Variants in MTOR observed in about 807,000 individuals in gnomAD.
The protein encoded by MTOR is serine/threonine-protein kinase mTOR.
Under a neutral mutation model 319.8 loss-of-function variants are expected in MTOR, and 70 were observed. The ratio of observed to expected loss-of-function variants is 0.22; its 90% CI spans 0.18 to 0.27. MTOR has a LOEUF of 0.27. MTOR is among the 10% of genes least tolerant of loss of function. The probability of loss-of-function intolerance (pLI) is 1.00; values close to 1 mark genes in which losing one functional copy is unlikely to be tolerated. For synonymous variants in MTOR, 1,183 were observed against 1,211.4 expected (o/e 0.98, Z 0.49); for missense variants, 1,890 against 3,274.4 (o/e 0.58, Z 10.32).
chr1:11,151,062 G>A (rs1644123859), intron 30 of MTOR, among the ~76,000 whole-genome samples: 1 of 152,148 alleles, frequency 6.6e-6, no homozygotes, highest in Admixed American at 6.6e-5. Flanking sequence ...TCATGAGGAA[G>A]GGCACAAGTT....
intron 51 of MTOR, 55 bp from the exon 52 acceptor site, chr1:11,114,942 G>T: frequency 6.7e-7 from 1 of 1,503,190 alleles, no homozygotes; most frequent in Non-Finnish European, 9.3e-7. Context: ...TTTACCTGGA[G>T]CCAGGTGGAG....
chr1:11,199,428 C>A lies in MTOR; in HGVS notation c.4108-25G>T, dbSNP rs759492351. Reference sequence around the variant, plus strand: ...CCTGGAGAAGAGCAAAACCTCACAGCACAGGAAAATGGCAGATGGGGCACA... The same window carrying A: ...CCTGGAGAAGAGCAAAACCTCACAGAACAGGAAAATGGCAGATGGGGCACA... On this transcript the variant is annotated intron_variant, in intron 27 of 57. Transcript: ENST00000361445. This position sits in a 1 kb window ranked among gnomAD's most constrained non-coding sequence, Gnocchi z 4.5. The A allele has an allele frequency of 1.9e-6, 3 of 1,614,142 alleles. No homozygotes were observed. The East Asian group carries it at 6.7e-5, about 36-fold the overall frequency.
rs542411562 is a variant in MTOR, at chr1:11,111,294, C to T, written c.7366+1558G>A. Among the ~76,000 whole-genome samples the T allele has an allele frequency of 9.7e-4, 147 of 152,054 alleles. 1 individual carries two copies. The highest frequency in any genetic ancestry group is 3.3e-3 in the African/African-American group (138 of 41,484). On this transcript the variant is annotated intron_variant, in intron 54 of 57. Transcript: ENST00000361445. ...AGGAGTTCGAAACCAGCCTGGCCAA[C>T]GTGGTGAAACCCTATCTCTACTAAA...
At chr1:11,208,527 C>T (rs1342296593) in intron 25 of MTOR, among the ~76,000 whole-genome samples, 2 of 152,204 alleles carry the variant, frequency 1.3e-5, no homozygotes, top group African/African-American at 2.4e-5. Flanking sequence ...AGTGAGATGG[C>T]TAATAGATGA....
chr1:11,122,803 G>A (rs907513606), intron 47 of MTOR, among the ~76,000 whole-genome samples: 17 of 151,972 alleles, frequency 1.1e-4, no homozygotes, highest in Non-Finnish European at 1.9e-4. Flanking sequence ...CACCGCGCCC[G>A]GCGGCCCTGA....
chr1:11,245,241 T>C (rs1419561945), intron 8 of MTOR, among the ~76,000 whole-genome samples: 1 of 152,218 alleles, frequency 6.6e-6, no homozygotes, highest in Admixed American at 6.5e-5. Context: ...GGCTGGAATT[T>C]CCTGATTCTT....
intron 26 of MTOR, among the ~76,000 whole-genome samples, chr1:11,200,037 G>A (rs1300373040): frequency 6.6e-6 from 1 of 152,196 alleles, no homozygotes; most frequent in Non-Finnish European, 1.5e-5. Flanking sequence ...AGGGCGGGGA[G>A]AAGAGCAGAG....
chr1:11,138,786 C>T (rs2100473558), intron 36 of MTOR, among the ~76,000 whole-genome samples: 1 of 152,342 alleles, frequency 6.6e-6, no homozygotes, highest in East Asian at 1.9e-4. Flanking sequence ...GGAGCCACAT[C>T]TATTTCCCAA....
chr1:11,117,763 A>G (rs2100335607), intron 49 of MTOR, among the ~76,000 whole-genome samples: 1 of 152,258 alleles, frequency 6.6e-6, no homozygotes, highest in Non-Finnish European at 1.5e-5. Context: ...GGAGCCCTAG[A>G]AAGAAATCCA....
intron 28 of MTOR, chr1:11,189,704 C>T (rs773163030): frequency 4.3e-5 from 70 of 1,614,182 alleles, no homozygotes; most frequent in South Asian, 2.1e-4. Flanking sequence ...CAGCTCAAAG[C>T]GGCCAACTGC....
intron 53 of MTOR, 129 bp from the exon 54 acceptor site, chr1:11,113,046 A>G: frequency 1.1e-6 from 1 of 937,468 alleles, no homozygotes. Flanking sequence ...GAGATGACAG[A>G]CATATTACTC....
chr1:11,232,782 C>T (rs1258438430), intron 15 of MTOR, among the ~76,000 whole-genome samples: 4 of 151,902 alleles, frequency 2.6e-5, no homozygotes, highest in East Asian at 3.9e-4. Flanking sequence ...GGGTGAGGCA[C>T]GAGAATCACT....
chr1:11,121,362 G>A lies in MTOR; in HGVS notation c.6817C>T (p.Pro2273Ser), dbSNP rs2100357160. 1 of 1,614,040 alleles carries A rather than the reference G, an allele frequency of 6.2e-7. No individual in the cohort carries two copies. Among genetic ancestry groups the A allele is most frequent in the Non-Finnish European group, 8.5e-7 (1 of 1,180,020 alleles). ...ATCAGAGTCAAGTGGTCATAGTCCG[G>A]AGCCATCTGCATCAGGACACAACTG... The part of the protein sequence containing the change: ...IEHRIMLRMA[P>S]DYDHLTLMQK... The change falls in exon 49 of 58, where the codon CCG becomes TCG. Residue 2273 changes from proline (P) to serine (S), a missense_variant. Physicochemically the swap from Pro to Ser is moderately conservative, Grantham distance 74. Around this residue, in one of 15 missense-constraint regions of MTOR, gnomAD observed 249 missense variants for 596.2 expected, o/e 0.42. Coordinates refer to ENST00000361445, the MANE Select transcript of MTOR (RefSeq NM_004958.4). This position sits in a 1 kb window ranked among gnomAD's most constrained non-coding sequence, Gnocchi z 4.9.
At chr1:11,144,619 G>A (rs752432306) in intron 34 of MTOR, 29 bp downstream of exon 34, 122 of 1,605,050 alleles carry the variant, frequency 7.6e-5, no homozygotes, top group Non-Finnish European at 1.0e-4. Context: ...GGGGTAGGTG[G>A]GTGAACTGGG....
At chr1:11,261,334 T>C (rs1162509412) in intron 1 of MTOR, among the ~76,000 whole-genome samples, 10 of 148,442 alleles carry the variant, frequency 6.7e-5, no homozygotes, top group Non-Finnish European at 1.3e-4. Context: ...ATTAGCCGTA[T>C]GGTGGCGGGC....
chr1:11,220,051 G>GA (rs1646610783), intron 19 of MTOR, among the ~76,000 whole-genome samples: 1 of 43,878 alleles, frequency 2.3e-5, no homozygotes. Flanking sequence ...AAAAAGAAAA[G>GA]AAAAGAAAAG....
chr1:11,232,304 T>C (rs1369057243), intron 16 of MTOR, 132 bp downstream of exon 16: 4 of 580,476 alleles, frequency 6.9e-6, no homozygotes, highest in Non-Finnish European at 1.2e-5. Flanking sequence ...ATTCAACAAA[T>C]ATTTTTGAGC....
intron 15 of MTOR, 93 bp downstream of exon 15, chr1:11,233,305 T>C: frequency 2.5e-6 from 3 of 1,189,334 alleles, no homozygotes; most frequent in Non-Finnish European, 3.6e-6. Flanking sequence ...GTGAGACCTT[T>C]CATTTAAAAA....
In MTOR at chr1:11,126,840, A is replaced by G. The variant is rs3737611; in HGVS notation, c.6352-44T>C. The G allele has an allele frequency of 0.051, 82,066 of 1,596,924 alleles. 5,367 individuals carry two copies. The highest frequency in any genetic ancestry group is 0.24 in the African/African-American group (17,648 of 74,228). On this transcript the variant is annotated intron_variant, in intron 45 of 57. Transcript: ENST00000361445. ...GGATTTAGTGTTCTGCCTCCAGGGA[A>G]GAATTTAAACGCAATTTAAGTATTT...
Sources: allele counts gnomAD v4.1 joint callset (sites outside exome capture counted in the v4.1 genomes callset), GRCh38; gene constraint gnomAD v4.1.1; regional missense constraint gnomAD v4.1.1; non-coding constraint Gnocchi (gnomAD v3.1); transcripts MANE v1.5; gene names NCBI Gene and HGNC (gene_info 2026-07-23, HGNC 2026-07-21).